SLC14A2: variants seen among roughly 807,000 people sequenced by gnomAD.
SLC14A2 encodes the protein urea transporter 2.
SLC14A2 carries 91 observed loss-of-function variants against 104.6 expected under a neutral mutation model. The ratio of observed to expected loss-of-function variants is 0.87; its 90% CI spans 0.73 to 1.04. SLC14A2 has a LOEUF of 1.04. SLC14A2 is among the 50% of genes least tolerant of loss of function. The pLI, the probability that SLC14A2 is intolerant of heterozygous loss-of-function variation, is 0.00. For synonymous variants in SLC14A2, 476 were observed against 466.4 expected (o/e 1.02, Z -0.27); for missense variants, 1,189 against 1,156.0 (o/e 1.03, Z -0.41).
At chr18:45,319,957 G>A (rs369794047) in intron 1 of SLC14A2, among the ~76,000 whole-genome samples, 16 of 152,294 alleles carry the variant, frequency 1.1e-4, no homozygotes, top group African/African-American at 3.4e-4. Flanking sequence ...CCAGTGGCAG[G>A]TTTGGTACTT....
At chr18:45,224,099 A>G (rs1377399025) in intron 1 of SLC14A2, among the ~76,000 whole-genome samples, 2 of 152,182 alleles carry the variant, frequency 1.3e-5, no homozygotes, top group Non-Finnish European at 2.9e-5. Flanking sequence ...CTTAGTTCCC[A>G]AGCGGTAAAG....
At chr18:45,580,961 CAGG>C (rs1277173733) in intron 2 of SLC14A2, among the ~76,000 whole-genome samples, 1 of 152,034 alleles carries the variant, frequency 6.6e-6, no homozygotes, top group African/African-American at 2.4e-5. Context: ...GAGCAGGAGG[CAGG>C]AGGCACAGTT....
At chr18:45,658,785 C>CT (rs111406360) in intron 10 of SLC14A2, among the ~76,000 whole-genome samples, 9 of 149,078 alleles carry the variant, frequency 6.0e-5, no homozygotes, top group Non-Finnish European at 9.0e-5. Context: ...TCTATGAAAT[C>CT]TTTTTTTTTT....
At chr18:45,333,068 A>T (rs547055505) in intron 1 of SLC14A2, among the ~76,000 whole-genome samples, 2 of 152,184 alleles carry the variant, frequency 1.3e-5, no homozygotes, top group South Asian at 2.1e-4. Flanking sequence ...CTTTTCTCCA[A>T]CTCAATTTGG....
At chr18:45,297,675 A>AAT (rs2084930123) in intron 1 of SLC14A2, among the ~76,000 whole-genome samples, 1 of 151,932 alleles carries the variant, frequency 6.6e-6, no homozygotes, top group African/African-American at 2.4e-5. Flanking sequence ...GAAAAAAAAA[A>AAT]TGTACGTGAA....
intron 2 of SLC14A2, among the ~76,000 whole-genome samples, chr18:45,514,818 CT>C: frequency 6.6e-6 from 1 of 152,306 alleles, no homozygotes; most frequent in African/African-American, 2.4e-5. Context: ...CTCACTTTTG[CT>C]TATACTGCAC....
intron 1 of SLC14A2, among the ~76,000 whole-genome samples, chr18:45,298,146 A>T (rs2084934419): frequency 9.5e-6 from 1 of 105,002 alleles, no homozygotes; most frequent in East Asian, 2.3e-4. Flanking sequence ...GCATCTTTTT[A>T]AAAAAATATT....
At chr18:45,676,598 G>A (rs1053422705) in intron 18 of SLC14A2, among the ~76,000 whole-genome samples, 2 of 151,774 alleles carry the variant, frequency 1.3e-5, no homozygotes, top group African/African-American at 2.4e-5. Context: ...ACCTGAGGCT[G>A]GGGGAAGTGC....
At chr18:45,552,469 T>C (rs146558842) in intron 2 of SLC14A2, among the ~76,000 whole-genome samples, 1 of 149,044 alleles carries the variant, frequency 6.7e-6, no homozygotes, top group African/African-American at 2.5e-5. Flanking sequence ...GGGACACTCA[T>C]TCATTTCACA....
intron 1 of SLC14A2, among the ~76,000 whole-genome samples, chr18:45,345,212 A>C (rs910123419): frequency 6.6e-6 from 1 of 152,246 alleles, no homozygotes; most frequent in African/African-American, 2.4e-5. Flanking sequence ...TGCCATGAGA[A>C]TAGTCTCAGA....
At chr18:45,439,496 C>T (rs1036530449) in intron 1 of SLC14A2, among the ~76,000 whole-genome samples, 2 of 151,926 alleles carry the variant, frequency 1.3e-5, no homozygotes, top group African/African-American at 2.4e-5. Context: ...CTATTTATTG[C>T]ACATCTACAA....
intron 1 of SLC14A2, among the ~76,000 whole-genome samples, chr18:45,279,974 C>T (rs970308647): frequency 6.6e-6 from 1 of 152,164 alleles, no homozygotes; most frequent in African/African-American, 2.4e-5. Context: ...CACTCGGTGC[C>T]AGAATCCACA....
At chr18:45,314,772 G>A (rs2085112554) in intron 1 of SLC14A2, among the ~76,000 whole-genome samples, 1 of 152,170 alleles carries the variant, frequency 6.6e-6, no homozygotes, top group African/African-American at 2.4e-5. Context: ...TGGAAGTCTG[G>A]GGAAAATTAA....
intron 2 of SLC14A2, chr18:45,528,220 A>G (rs1159009215): frequency 6.6e-6 from 1 of 151,822 alleles, no homozygotes; most frequent in African/African-American, 2.4e-5. Flanking sequence ...AAGATTTCAA[A>G]AACATATCAG....
intron 1 of SLC14A2, among the ~76,000 whole-genome samples, chr18:45,235,705 T>C (rs996449217): frequency 6.6e-6 from 1 of 151,506 alleles, no homozygotes; most frequent in African/African-American, 2.4e-5. Flanking sequence ...TTATTTCACT[T>C]AATACAATGT....
intron 1 of SLC14A2, among the ~76,000 whole-genome samples, chr18:45,618,696 A>AAAAAAAG (rs1555714274): frequency 2.8e-5 from 4 of 144,468 alleles, no homozygotes; most frequent in African/African-American, 1.1e-4. Flanking sequence ...AAAAAAAAAA[A>AAAAAAAG]AAGAAGTAGT....
intron 15 of SLC14A2, 114 bp downstream of exon 15, chr18:45,668,591 C>A: frequency 1.7e-6 from 2 of 1,193,352 alleles, no homozygotes; most frequent in Non-Finnish European, 2.4e-6. Context: ...ATTTAGCTTG[C>A]ACATCAGAAA....
intron 18 of SLC14A2, among the ~76,000 whole-genome samples, chr18:45,675,710 T>TA (rs1555639293): frequency 0.15 from 6,482 of 44,186 alleles, 186 homozygotes; most frequent in African/African-American, 0.22. Flanking sequence ...TATATATATA[T>TA]TTTTTTTTTT....
At position 45,627,103 on chromosome 18, in the gene SLC14A2, G is replaced by C; in HGVS notation, c.477G>C (p.Gly159=). 6.2e-7 allele frequency: 1 copy of C among 1,614,136 alleles called. No homozygotes were observed. Among genetic ancestry groups the C allele is most frequent in the Non-Finnish European group, 8.5e-7 (1 of 1,180,010 alleles). The part of the protein sequence containing the change: ...NPWWTITGGL[G]TVVSTLTALA... ...GGTGGACAATCACTGGGGGCCTGGG[G>C]ACAGTGGTCTCGACCTTAACAGCTC... Residue 159 remains glycine (G), a synonymous_variant, in exon 4 of 20, where the codon GGG becomes GGC. Transcript: ENST00000255226.
Sources: gnomAD v4.1 joint callset for allele counts (sites outside exome capture counted in the v4.1 genomes callset) on GRCh38, gnomAD v4.1.1 for gene constraint, MANE v1.5 for transcripts, NCBI Gene and HGNC (gene_info 2026-07-23, HGNC 2026-07-21) for gene names.